SLC35H1: variants seen among roughly 807,000 people sequenced by gnomAD.
SLC35H1 encodes the protein ovarian cancer-overexpressed gene 1 protein.
the SLC35H1 span, chr20:46,355,933 A>AGAAAG: frequency 1.9e-6 from 3 of 1,606,520 alleles, no homozygotes. This position sits in a 1 kb window ranked among gnomAD's most constrained non-coding sequence, Gnocchi z 4.8. Flanking sequence ...CCCATCACCG[A>AGAAAG]GAAAGGAGCA....
chr20:46,356,458 G>A, the SLC35H1 span: 1 of 1,014,038 alleles, frequency 9.9e-7, no homozygotes, highest in African/African-American at 1.6e-5. Context: ...GAGAGAGCAA[G>A]GGCTGGTCCC....
chr20:46,358,908 C>T, the SLC35H1 span: 2 of 647,368 alleles, frequency 3.1e-6, no homozygotes, highest in Admixed American at 4.8e-5. Flanking sequence ...CACGTCGTGT[C>T]TGCTGTCTTG....
At chr20:46,351,642 T>C in the SLC35H1 span, among the ~76,000 whole-genome samples, 1 of 152,248 alleles carries the variant, frequency 6.6e-6, no homozygotes, top group South Asian at 2.1e-4. Flanking sequence ...ACACCGCCAG[T>C]CAATCACGGA....
At chr20:46,357,699 C>T in the SLC35H1 span, 185 of 1,614,056 alleles carry the variant, frequency 1.1e-4, no homozygotes, top group Middle Eastern at 1.6e-4. Flanking sequence ...ACTGAACCAG[C>T]GCCCTGGACA....
the SLC35H1 span, among the ~76,000 whole-genome samples, chr20:46,361,971 T>C: frequency 6.6e-5 from 10 of 152,224 alleles, no homozygotes; most frequent in Non-Finnish European, 2.9e-5. Flanking sequence ...CTCCCTCCAC[T>C]GTTCAAATGC....
chr20:46,353,172 G>A, the SLC35H1 span: 8 of 152,114 alleles, frequency 5.3e-5, no homozygotes, highest in Non-Finnish European at 1.0e-4. Context: ...CCCCTTTCTG[G>A]ACCTCAGTTT....
At chr20:46,352,341 A>G in the SLC35H1 span, 1 of 878,574 alleles carries the variant, frequency 1.1e-6, no homozygotes, top group Non-Finnish European at 1.8e-6. Context: ...GAGACCTGCT[A>G]ACTGTCTGCA....
At chr20:46,356,754 T>TG in the SLC35H1 span, 1 of 881,364 alleles carries the variant, frequency 1.1e-6, no homozygotes, top group Non-Finnish European at 1.8e-6. Context: ...GTGCCTCCTG[T>TG]GGGGCCCTTG....
the SLC35H1 span, among the ~76,000 whole-genome samples, chr20:46,360,413 G>A: frequency 2.0e-5 from 3 of 152,094 alleles, no homozygotes; most frequent in African/African-American, 7.2e-5. Flanking sequence ...ACTCCTAGAG[G>A]GTCCACACAG....
chr20:46,354,855 G>A, the SLC35H1 span: 8 of 1,558,118 alleles, frequency 5.1e-6, no homozygotes, highest in Non-Finnish European at 7.0e-6. Flanking sequence ...GCACTGAGGT[G>A]CCCTTGAGAG....
At chr20:46,350,961 G>T in the SLC35H1 span, 5 of 1,584,708 alleles carry the variant, frequency 3.2e-6, no homozygotes, top group African/African-American at 2.7e-5. Context: ...AGGGTGGAAG[G>T]TGGGGGCACT....
chr20:46,357,862 G>A, the SLC35H1 span: 2 of 1,471,280 alleles, frequency 1.4e-6, no homozygotes, highest in Admixed American at 1.9e-5. Context: ...CTCTGCTGGA[G>A]TGGGGCTCAT....
chr20:46,357,541 C>G, the SLC35H1 span: 1 of 1,504,628 alleles, frequency 6.6e-7, no homozygotes, highest in Admixed American at 1.9e-5. Context: ...GGCTTCCAGA[C>G]ATGCGGGTGT....
the SLC35H1 span, among the ~76,000 whole-genome samples, chr20:46,356,810 A>G: frequency 6.6e-6 from 1 of 152,286 alleles, no homozygotes; most frequent in South Asian, 2.1e-4. Flanking sequence ...TCTGGCCCCC[A>G]AAGGTCGGGG....
chr20:46,353,512 G>A, the SLC35H1 span, among the ~76,000 whole-genome samples: 1 of 152,204 alleles, frequency 6.6e-6, no homozygotes, highest in Non-Finnish European at 1.5e-5. Flanking sequence ...GAGATTTTTG[G>A]AGGGAAGCAC....
At chr20:46,352,450 G>A in the SLC35H1 span, 1 of 550,682 alleles carries the variant, frequency 1.8e-6, no homozygotes, top group Non-Finnish European at 3.2e-6. Context: ...GAGCGCCTGG[G>A]GGCAATACAA....
the SLC35H1 span, among the ~76,000 whole-genome samples, chr20:46,360,507 C>T: frequency 1.3e-5 from 2 of 151,750 alleles, no homozygotes; most frequent in African/African-American, 2.4e-5. Flanking sequence ...CTATCAATTA[C>T]TTTCCTTTTA....
At chr20:46,352,240 GGA>G in the SLC35H1 span, 1 of 1,612,990 alleles carries the variant, frequency 6.2e-7, no homozygotes, top group African/African-American at 1.3e-5. Context: ...AAAGCAACAG[GGA>G]GAGAGAGTGG....
At chr20:46,358,749 AG>A in the SLC35H1 span, 1 of 1,537,304 alleles carries the variant, frequency 6.5e-7, no homozygotes, top group South Asian at 1.2e-5. Context: ...CAGCGCTCAC[AG>A]GTCCCAAGGT....
Sources: gnomAD v4.1 joint callset for allele counts (sites outside exome capture counted in the v4.1 genomes callset) on GRCh38, gnomAD v4.1.1 for gene constraint, Gnocchi (gnomAD v3.1) non-coding constraint, MANE v1.5 for transcripts, NCBI Gene and HGNC (gene_info 2026-07-23, HGNC 2026-07-21) for gene names.